The following SOD2 variants were observed in gnomAD, a reference collection of about 807,000 sequenced individuals.
SOD2 encodes the protein superoxide dismutase [Mn], mitochondrial.
In SOD2, 11 loss-of-function variants were observed where a neutral mutation model predicts 27.0. That is an observed-to-expected ratio of 0.41 (90% CI 0.26 to 0.67). The LOEUF (loss-of-function observed/expected upper bound fraction) is 0.67. Ranked by LOEUF, SOD2 falls within the 30% of genes least tolerant of loss-of-function variation. The pLI is 0.34. For synonymous variants in SOD2, 105 were observed against 103.0 expected, an observed-to-expected ratio of 1.02 and a Z score of -0.12; for missense variants, 250 against 274.5, an observed-to-expected ratio of 0.91 and a Z score of 0.63.
chr6:159,761,893 C>T, exon 1 of SOD2: 1 of 369,232 alleles, frequency 2.7e-6, no homozygotes, highest in Non-Finnish European at 4.5e-6. Flanking sequence ...CCCCGCGCCC[C>T]GCGCGCCTCC....
chr6:159,743,074 G>T (rs1000599025), intron 1 of SOD2, among the ~76,000 whole-genome samples: 2 of 152,204 alleles, frequency 1.3e-5, no homozygotes. Context: ...TTGAGACAGG[G>T]TCTCGCACTG....
chr6:159,749,553 C>A, upstream of SOD2: 1 of 545,572 alleles, frequency 1.8e-6, no homozygotes, highest in Non-Finnish European at 2.3e-6. Context: ...CTGTGCTCTT[C>A]AAAGTGAAGG....
In SOD2 at chr6:159,755,310, A is replaced by G. The variant is rs1779960592; in HGVS notation, c.-336+5727T>C. On this transcript the variant is annotated intron_variant, in intron 1 of 7. Transcript: ENST00000546087. The stretch of plus-strand genomic sequence containing the variant: ...GGGTCTGGATTTCACAGGGAGGGCA[A>G]CACAACCGAAGATGACTTTCCTTCT... 5 of 1,614,256 alleles carry G rather than the reference A, an allele frequency of 3.1e-6. 1 individual carries two copies. In the South Asian group the frequency reaches 5.5e-5, roughly 18 times the overall value.
At chr6:159,696,834 G>A (rs1777428826), upstream of SOD2, among the ~76,000 whole-genome samples, 1 of 152,064 alleles carries the variant, frequency 6.6e-6, no homozygotes, top group Non-Finnish European at 1.5e-5. Context: ...TTGAGGCCAG[G>A]AGTTTGAGAC....
intron 2 of SOD2, chr6:159,691,683 C>G (rs1777201780): frequency 6.7e-6 from 1 of 148,516 alleles, no homozygotes; most frequent in Non-Finnish European, 1.5e-5. Flanking sequence ...GGCACAGACT[C>G]AAAAAGTCCA....
chr6:159,744,936 T>C (rs1268622294), intron 1 of SOD2, among the ~76,000 whole-genome samples: 2 of 152,214 alleles, frequency 1.3e-5, no homozygotes, highest in African/African-American at 4.8e-5. Context: ...CTCCTTGGCC[T>C]CCCAAAACTG....
intron 1 of SOD2, among the ~76,000 whole-genome samples, chr6:159,698,928 G>A (rs1040860185): frequency 1.7e-5 from 2 of 117,146 alleles, no homozygotes; most frequent in Non-Finnish European, 3.3e-5. Flanking sequence ...TGATCTTGCT[G>A]TCTGGGGGGT....
chr6:159,738,289 G>C (rs1358049702), intron 1 of SOD2, among the ~76,000 whole-genome samples: 1 of 152,130 alleles, frequency 6.6e-6, no homozygotes, highest in Non-Finnish European at 1.5e-5. Context: ...ATCTCCATTT[G>C]TATAATTGTT....
At chr6:159,686,386 C>T (rs1780187586) in intron 3 of SOD2, among the ~76,000 whole-genome samples, 2 of 152,132 alleles carry the variant, frequency 1.3e-5, no homozygotes, top group Non-Finnish European at 2.9e-5. Flanking sequence ...GTGGCTCACA[C>T]CTGTAATCTT....
rs1313479893 is a variant in SOD2 at position 159,677,631 on chromosome 6, G to A, written c.*4862C>T. 6.6e-6 allele frequency: 1 copy of A among 152,098 alleles called. No individual in the cohort carries two copies. Among genetic ancestry groups the A allele is most frequent in the Non-Finnish European group, 1.5e-5 (1 of 68,034 alleles). The allele number at this position is 152,098 out of a possible 1,614,324, so 9.4% of individuals were successfully genotyped here. On this transcript the variant is annotated 3_prime_UTR_variant, in exon 5 of 5. Coordinates refer to ENST00000538183, the MANE Select transcript of SOD2 (RefSeq NM_000636.4). Reference sequence around the variant, plus strand: ...TGGTTAATGTTCTAAGATGTTACAAGAACTTTAAGAGACAGGGTCTCACAC... The same window carrying A: ...TGGTTAATGTTCTAAGATGTTACAAAAACTTTAAGAGACAGGGTCTCACAC...
intron 1 of SOD2, among the ~76,000 whole-genome samples, chr6:159,719,787 G>A (rs1208760315): frequency 6.7e-6 from 1 of 148,840 alleles, no homozygotes; most frequent in Admixed American, 6.8e-5. Context: ...GCAGTCACGC[G>A]ATCTTGGCTC....
At chr6:159,727,694 G>T, upstream of SOD2, 3 of 984,516 alleles carry the variant, frequency 3.0e-6, no homozygotes, top group African/African-American at 1.8e-5. Flanking sequence ...CGCGGCTTCT[G>T]CCTGGAGAGG....
intron 1 of SOD2, among the ~76,000 whole-genome samples, chr6:159,735,852 A>G (rs1778881889): frequency 6.6e-6 from 1 of 152,224 alleles, no homozygotes; most frequent in Non-Finnish European, 1.5e-5. Flanking sequence ...ATAATGCTAT[A>G]AAAGGAAAGA....
intron 2 of SOD2, among the ~76,000 whole-genome samples, chr6:159,689,594 G>GT (rs1780354407): frequency 6.6e-6 from 1 of 152,232 alleles, no homozygotes; most frequent in Non-Finnish European, 1.5e-5. Context: ...GAGACCCACT[G>GT]AGAGCTTTGC....
At chr6:159,688,967 G>C (rs1357250483) in intron 2 of SOD2, among the ~76,000 whole-genome samples, 3 of 152,120 alleles carry the variant, frequency 2.0e-5, no homozygotes, top group African/African-American at 7.2e-5. Context: ...TGGGACAGAG[G>C]ACCAGTATTT....
chr6:159,761,951 G>A lies in SOD2; in HGVS notation c.-1250C>T, dbSNP rs149786744. On this transcript the variant is annotated 5_prime_UTR_variant, in exon 1 of 8. Transcript: ENST00000546087. ...CGCCTGCGCACAGTGGGATGCGCGGGGAGGTGGTGCGCGGGGAGGTGGAGG... is the reference window on the plus strand; with the variant it reads ...CGCCTGCGCACAGTGGGATGCGCGGAGAGGTGGTGCGCGGGGAGGTGGAGG... 3,927 of 1,011,874 alleles carry A rather than the reference G, an allele frequency of 3.9e-3. 112 individuals carry two copies. In the African/African-American group the frequency reaches 0.063, roughly 16 times the overall value. The allele number at this position is 1,011,874 out of a possible 1,614,324, so 62.7% of individuals were successfully genotyped here. A position where few individuals can be genotyped will look rare whatever the true frequency, so the allele number is the denominator to read the frequency against.
At chr6:159,755,760 C>CTT (rs1779984995) in intron 1 of SOD2, 57 of 286,754 alleles carry the variant, frequency 2.0e-4, no homozygotes, top group African/African-American at 6.0e-4. Flanking sequence ...TTTTTTTTTT[C>CTT]TTTTCTTTTT....
At chr6:159,755,760 C>CTTTTTTTTTTTTTTTTTTTT (rs1779984995) in intron 1 of SOD2, 9 of 283,674 alleles carry the variant, frequency 3.2e-5, no homozygotes, top group African/African-American at 2.5e-4. Context: ...TTTTTTTTTT[C>CTTTTTTTTTTTTTTTTTTTT]TTTTCTTTTT....
chr6:159,747,611 T>C (rs1253207393), upstream of SOD2, among the ~76,000 whole-genome samples: 3 of 152,240 alleles, frequency 2.0e-5, no homozygotes. Context: ...GTATTTTAAG[T>C]TATAATCTTG....
Sources: gnomAD v4.1 joint callset for allele counts (sites outside exome capture counted in the v4.1 genomes callset) on GRCh38, gnomAD v4.1.1 for gene constraint, MANE v1.5 for transcripts, NCBI Gene and HGNC (gene_info 2026-07-23, HGNC 2026-07-21) for gene names.